KLRD1: variants seen among roughly 807,000 people sequenced by gnomAD.
KLRD1 encodes natural killer cells antigen CD94.
In KLRD1, 21 loss-of-function variants were observed where a neutral mutation model predicts 22.6. The observed-to-expected ratio is 0.93, with a 90% CI of 0.66 to 1.34. The LOEUF is 1.34. Ranked by LOEUF, KLRD1 falls within the 40% of genes most tolerant of loss-of-function variation. KLRD1 has a pLI of 0.00. For missense variants in KLRD1, 183 were observed against 208.6 expected (o/e 0.88, Z 0.76); for synonymous variants, 59 against 71.1 (o/e 0.83, Z 0.85).
rs566538594 is a variant in KLRD1 at position 10,321,385 on chromosome 12, TTGAAC to T, written c.*6596_*6600del. 1.1e-3 allele frequency: 171 copies of T among 152,318 alleles called. No homozygotes were observed. Among genetic ancestry groups the T allele is most frequent in the African/African-American group, 3.9e-3 (162 of 41,566 alleles). 9.4% of individuals were successfully genotyped at this position (152,318 alleles called of 1,614,324 possible). ...ACCTGGATGTGACAAATTTCGGACTTTGAACTGACATTGTAACGGAATGAGATTTG... is the reference window on the plus strand; with the variant it reads ...ACCTGGATGTGACAAATTTCGGACTTTGACATTGTAACGGAATGAGATTTG... On this transcript the variant is annotated 3_prime_UTR_variant, in exon 6 of 6. Coordinates refer to ENST00000336164, the MANE Select transcript of KLRD1 (RefSeq NM_002262.5).
rs11374003 is a variant in KLRD1 at position 10,318,845 on chromosome 12, CAAAAAAAAAAAA to C, written c.*4062_*4073del. On this transcript the variant is annotated 3_prime_UTR_variant, in exon 6 of 6. Transcript: ENST00000336164. Reference sequence around the variant, plus strand: ...TGGGTGACAGAGGAGACTCCGTCTCCAAAAAAAAAAAAAAAAAAAAAGCTTTTCATAAGTATG... The same window carrying C: ...TGGGTGACAGAGGAGACTCCGTCTCCAAAAAAAAAGCTTTTCATAAGTATG... 8.7e-5 allele frequency: 4 copies of C among 46,010 alleles called. No homozygotes were observed. The highest frequency in any genetic ancestry group is 2.8e-4 in the African/African-American group (4 of 14,292). The allele number at this position is 46,010 out of a possible 1,614,324, so 2.9% of individuals were successfully genotyped here.
rs1950337722 is a variant in KLRD1, at chr12:10,324,166, C to A, written c.*9373C>A. 6.6e-6 allele frequency: 1 copy of A among 152,112 alleles called. No homozygotes were observed. The highest frequency in any genetic ancestry group is 6.6e-5 in the Admixed American group (1 of 15,246). 9.4% of individuals were successfully genotyped at this position (152,112 alleles called of 1,614,324 possible). On this transcript the variant is annotated 3_prime_UTR_variant, in exon 6 of 6. Coordinates refer to ENST00000336164, the MANE Select transcript of KLRD1 (RefSeq NM_002262.5). ...CGTGAGCCACCACATCCAGCCGATT[C>A]CTTTTTACTTCTGAGAGTCTTCTGA... is the stretch of plus-strand genomic sequence containing the variant.
chr12:10,240,376 A>G (rs749156178), intron 1 of KLRD1, among the ~76,000 whole-genome samples: 4 of 149,512 alleles, frequency 2.7e-5, no homozygotes, highest in Non-Finnish European at 5.9e-5. Context: ...TCTATTTTCT[A>G]CATGCCTTTT....
intron 1 of KLRD1, among the ~76,000 whole-genome samples, chr12:10,242,672 G>A (rs1038372673): frequency 3.3e-5 from 5 of 152,170 alleles, no homozygotes; most frequent in Admixed American, 1.3e-4. Context: ...TGTGTAAAGT[G>A]TTCCCTTTTC....
chr12:10,309,310 G>A lies in KLRD1; in HGVS notation c.8-78G>A, dbSNP rs80000713. On this transcript the variant is annotated intron_variant, in intron 1 of 5. Transcript: ENST00000336164. Reference sequence around the variant, plus strand: ...AATGAAAGAATGTTGTGGATTCTCCGTCACTAGTTTCTGCTTTTAAGAACT... The same window carrying A: ...AATGAAAGAATGTTGTGGATTCTCCATCACTAGTTTCTGCTTTTAAGAACT... 3.9e-4 allele frequency: 285 copies of A among 728,350 alleles called. No homozygotes were observed. The African/African-American group carries it at 4.2e-3, about 11-fold the overall frequency. 45.1% of individuals were successfully genotyped at this position (728,350 alleles called of 1,614,324 possible). A position where few individuals can be genotyped will look rare whatever the true frequency, so the allele number is the denominator to read the frequency against.
In KLRD1 at chr12:10,309,673, A is replaced by G. The variant is rs776848834; in HGVS notation, c.148A>G (p.Ile50Val). ...GCCAGCATTTACTCCAGGACCCAAC[A>G]TAGAACTCCAGAAAGGTAGGTCACA... ...IEPAFTPGPN[I>V]ELQKDSDCCS... Residue 50 changes from isoleucine (I) to valine (V), a missense_variant, in exon 3 of 6, where the codon ATA (isoleucine) becomes GTA (valine). Physicochemically the swap from Ile to Val is conservative, Grantham distance 29 (BLOSUM62 3). Transcript: ENST00000336164. 1 of 1,612,498 alleles carries G rather than the reference A, an allele frequency of 6.2e-7. No individual in the cohort carries two copies. Among genetic ancestry groups the G allele is most frequent in the Non-Finnish European group, 8.5e-7 (1 of 1,178,678 alleles).
Position 10,320,190 on chromosome 12 carries a change from AC to A in KLRD1, c.*5398del, listed in dbSNP as rs935824983. ...GACATAACTTTTATTCTTTTAAGTC[AC>A]TAAATATTAACGTGTCACATAGCAA... On this transcript the variant is annotated 3_prime_UTR_variant, in exon 6 of 6. Transcript: ENST00000336164. 2 of 151,854 alleles carry A rather than the reference AC, an allele frequency of 1.3e-5. No homozygotes were observed. Among genetic ancestry groups the A allele is most frequent in the African/African-American group, 4.8e-5 (2 of 41,492 alleles). 9.4% of individuals were successfully genotyped at this position (151,854 alleles called of 1,614,324 possible). A position where few individuals can be genotyped will look rare whatever the true frequency, so the allele number is the denominator to read the frequency against.
chr12:10,320,224 T>A lies in KLRD1; in HGVS notation c.*5431T>A, dbSNP rs895411062. The A allele has an allele frequency of 4.7e-5, 7 of 148,528 alleles. No individual in the cohort carries two copies. Among genetic ancestry groups the A allele is most frequent in the Non-Finnish European group, 1.0e-4 (7 of 67,312 alleles). The allele number at this position is 148,528 out of a possible 1,614,324, so 9.2% of individuals were successfully genotyped here. ...TAACGTGTCACATAGCAATAATCAA[T>A]ACATATTTTGGTACCAAGAATGAAG... On this transcript the variant is annotated 3_prime_UTR_variant, in exon 6 of 6. Coordinates refer to ENST00000336164, the MANE Select transcript of KLRD1 (RefSeq NM_002262.5).
chr12:10,255,286 T>A (rs966927247), intron 1 of KLRD1, among the ~76,000 whole-genome samples: 2 of 152,222 alleles, frequency 1.3e-5, no homozygotes, highest in African/African-American at 4.8e-5. Context: ...ATATTGTTAA[T>A]CTTTTCTAAG....
chr12:10,267,987 T>C (rs187857197), intron 1 of KLRD1, among the ~76,000 whole-genome samples: 53 of 152,256 alleles, frequency 3.5e-4, no homozygotes, highest in Admixed American at 1.3e-3. Flanking sequence ...TTGTAAACCA[T>C]GTTCAGGCTT....
In KLRD1 at chr12:10,320,296, T is replaced by G. The variant is rs1950300669; in HGVS notation, c.*5503T>G. ...AAAACCACTAAAATTTTGGAGTGCT[T>G]GAAAACAGGCAGTGGATGGAGGCCA... On this transcript the variant is annotated 3_prime_UTR_variant, in exon 6 of 6. Transcript: ENST00000336164. 1 of 150,410 alleles carries G rather than the reference T, an allele frequency of 6.6e-6. No individual in the cohort carries two copies. Among genetic ancestry groups the G allele is most frequent in the Non-Finnish European group, 1.5e-5 (1 of 67,716 alleles). 9.3% of individuals were successfully genotyped at this position (150,410 alleles called of 1,614,324 possible). A position where few individuals can be genotyped will look rare whatever the true frequency, so the allele number is the denominator to read the frequency against.
chr12:10,281,654 T>C (rs539458794), intron 1 of KLRD1, among the ~76,000 whole-genome samples: 1 of 152,324 alleles, frequency 6.6e-6, no homozygotes, highest in South Asian at 2.1e-4. Context: ...GCTGATTTTC[T>C]CATCTGAGTT....
chr12:10,241,788 A>G (rs1388798497), intron 1 of KLRD1, among the ~76,000 whole-genome samples: 4 of 152,210 alleles, frequency 2.6e-5, no homozygotes, highest in Non-Finnish European at 5.9e-5. Flanking sequence ...ATATATATGC[A>G]TACATGTATA....
rs750696767 is a variant in KLRD1, at chr12:10,324,818, G to GTGTGTGTGTATATATATATATATATA, written c.*10026_*10027insGTGTGTGTATATATATATATATATAT. The GTGTGTGTGTATATATATATATATATA allele has an allele frequency of 1.3e-5, 1 of 74,144 alleles. No homozygotes were observed. The highest frequency in any genetic ancestry group is 2.1e-4 in the Admixed American group (1 of 4,738). 4.6% of individuals were successfully genotyped at this position (74,144 alleles called of 1,614,324 possible). On this transcript the variant is annotated 3_prime_UTR_variant, in exon 6 of 6. Coordinates refer to ENST00000336164, the MANE Select transcript of KLRD1 (RefSeq NM_002262.5). ...AGTATATATGTATATGTGTGTGTGT[G>GTGTGTGTGTATATATATATATATATA]TATATATATATATATATATATATAT... is the stretch of plus-strand genomic sequence containing the variant.
chr12:10,307,085 C>T (rs1483379311), upstream of KLRD1, among the ~76,000 whole-genome samples: 1 of 152,146 alleles, frequency 6.6e-6, no homozygotes, highest in Admixed American at 6.5e-5. Context: ...ATCTCTTCCA[C>T]ATTGGAAATT....
rs1565443197 is a variant in KLRD1 at position 10,239,469 on chromosome 12, C to CCTTATTCTTCCTTCCTTCTTTCCTTATT, written c.-101+13239_-101+13240insATTCTTCCTTCCTTCTTTCCTTATTCTT. 6.4e-4 allele frequency among the ~76,000 whole-genome samples: 78 copies of CCTTATTCTTCCTTCCTTCTTTCCTTATT among 122,324 alleles called. 6 individuals are homozygous for CCTTATTCTTCCTTCCTTCTTTCCTTATT. The East Asian group carries it at 0.014, about 22-fold the overall frequency. 80.2% of individuals were successfully genotyped at this position (122,324 alleles called of 152,430 possible). On this transcript the variant is annotated intron_variant, in intron 1 of 5. Transcript: ENST00000544747. ...TCCTTCCTTCCTTCCTTCCTTCCTTCCTTCCTTCCTTCCTTCTTCCTTCCT... is the reference window on the plus strand; with the variant it reads ...TCCTTCCTTCCTTCCTTCCTTCCTTCCTTATTCTTCCTTCCTTCTTTCCTTATTCTTCCTTCCTTCCTTCTTCCTTCCT...
Position 10,307,886 on chromosome 12 carries a change from A to T in KLRD1, c.-192A>T. 1 of 599,804 alleles carries T rather than the reference A, an allele frequency of 1.7e-6. No individual in the cohort carries two copies. Among genetic ancestry groups the T allele is most frequent in the South Asian group, 2.0e-5 (1 of 49,528 alleles). The allele number at this position is 599,804 out of a possible 1,614,324, so 37.2% of individuals were successfully genotyped here. On this transcript the variant is annotated 5_prime_UTR_variant, in exon 1 of 6. The change abolishes an upstream ATG in the 5' untranslated region. Transcript: ENST00000336164. Reference sequence around the variant, plus strand: ...CTGCTTCTTATTCACACTATAATACATGTCTCACCAATAGATGATTCAAGA... The same window carrying T: ...CTGCTTCTTATTCACACTATAATACTTGTCTCACCAATAGATGATTCAAGA...
chr12:10,262,095 T>C (rs1334444606), intron 1 of KLRD1, among the ~76,000 whole-genome samples: 1 of 152,110 alleles, frequency 6.6e-6, no homozygotes, highest in Non-Finnish European at 1.5e-5. Flanking sequence ...TTGAGATGTC[T>C]CCAATTTATA....
At chr12:10,250,201 C>CTTT (rs137861212) in intron 1 of KLRD1, among the ~76,000 whole-genome samples, 2 of 94,566 alleles carry the variant, frequency 2.1e-5, no homozygotes, top group African/African-American at 8.7e-5. Flanking sequence ...TAACGTTTTG[C>CTTT]TTTTTTTTTT....
Sources: gnomAD v4.1 joint callset for allele counts (sites outside exome capture counted in the v4.1 genomes callset) on GRCh38, gnomAD v4.1.1 for gene constraint, MANE v1.5 for transcripts, NCBI Gene and HGNC (gene_info 2026-07-23, HGNC 2026-07-21) for gene names.